TIMM23: variants seen among roughly 807,000 people sequenced by gnomAD.
TIMM23 encodes translocase of inner mitochondrial membrane 23, also known as mitochondrial import inner membrane translocase subunit Tim23.
Under a neutral mutation model 30.7 loss-of-function variants are expected in TIMM23, and 19 were observed. The observed-to-expected ratio is 0.62, with a 90% CI of 0.43 to 0.91. The LOEUF (loss-of-function observed/expected upper bound fraction) is 0.91. Ranked by LOEUF, TIMM23 falls within the 40% of genes least tolerant of loss-of-function variation. TIMM23 has a pLI of 0.00. For synonymous variants in TIMM23, 78 were observed against 98.5 expected (o/e 0.79, Z 1.23); for missense variants, 202 against 269.2 (o/e 0.75, Z 1.75).
chr10:45,973,302 C>T (rs1837555902), intron 1 of TIMM23, among the ~76,000 whole-genome samples: 1 of 152,126 alleles, frequency 6.6e-6, no homozygotes, highest in Non-Finnish European at 1.5e-5. Flanking sequence ...CGGAAATAGG[C>T]AACATCAAGG....
chr10:45,995,759 G>C (rs1349078216), intron 6 of TIMM23, among the ~76,000 whole-genome samples: 1 of 133,648 alleles, frequency 7.5e-6, no homozygotes, highest in Non-Finnish European at 1.6e-5. Context: ...GAGCACATGG[G>C]CATGCATGTT....
rs61849490 is a variant in TIMM23, at chr10:45,981,916, G to A, written c.166-607G>A. 2.7e-3 allele frequency among the ~76,000 whole-genome samples: 410 copies of A among 151,648 alleles called. 1 individual carries two copies. The highest frequency in any genetic ancestry group is 0.01 in the East Asian group (51 of 5,098). ...TTGCTCTTAAGAGTGTCATTTCTCA[G>A]TCTTAGTATTTTGGATGACCTTCCA... On this transcript the variant is annotated intron_variant, in intron 2 of 6. Coordinates refer to ENST00000580018, the MANE Select transcript of TIMM23 (RefSeq NM_006327.4).
chr10:45,996,031 G>A (rs1838317928), intron 6 of TIMM23, among the ~76,000 whole-genome samples: 1 of 149,686 alleles, frequency 6.7e-6, no homozygotes, highest in Non-Finnish European at 1.5e-5. Flanking sequence ...TCGGAGGCAA[G>A]AATATAGAAC....
chr10:45,985,077 T>TATA (rs1194705981), intron 4 of TIMM23, among the ~76,000 whole-genome samples: 3 of 152,058 alleles, frequency 2.0e-5, no homozygotes, highest in Non-Finnish European at 4.4e-5. Flanking sequence ...CAAAGCCTTA[T>TATA]ATATATTTAA....
At position 45,998,255 on chromosome 10, in the gene TIMM23, C is replaced by T. The variant is rs955632331; in HGVS notation, c.515-4948C>T. 92 of 319,256 alleles carry T rather than the reference C, an allele frequency of 2.9e-4. 1 individual carries two copies. The South Asian group carries it at 9.8e-3, about 34-fold the overall frequency. The allele number at this position is 319,256 out of a possible 1,614,324, so 19.8% of individuals were successfully genotyped here. A position where few individuals can be genotyped will look rare whatever the true frequency, so the allele number is the denominator to read the frequency against. ...CTTTAAAGTCATTGTCATTTGAATG[C>T]ATTAGTTCTGCCACTAATCAACCCT... On this transcript the variant is annotated intron_variant, in intron 6 of 6. Coordinates refer to ENST00000580018, the MANE Select transcript of TIMM23 (RefSeq NM_006327.4).
chr10:46,002,478 C>T (rs1471182129), intron 6 of TIMM23: 70 of 984,106 alleles, frequency 7.1e-5, no homozygotes, highest in Non-Finnish European at 8.1e-5. Flanking sequence ...CGTCACTAAT[C>T]TTCAAGGTTA....
intron 6 of TIMM23, among the ~76,000 whole-genome samples, chr10:46,002,792 GTC>G (rs1413907257): frequency 1.3e-5 from 2 of 148,998 alleles, no homozygotes; most frequent in Non-Finnish European, 3.0e-5. Flanking sequence ...TTTTAAAATG[GTC>G]TCTCCATTTC....
At chr10:45,983,366 A>G (rs1590116559) in intron 4 of TIMM23, among the ~76,000 whole-genome samples, 1 of 152,218 alleles carries the variant, frequency 6.6e-6, no homozygotes, top group African/African-American at 2.4e-5. Flanking sequence ...TCTTGACTTT[A>G]TGTTTCCGAA....
chr10:45,990,295 G>C (rs1189817180), intron 6 of TIMM23, among the ~76,000 whole-genome samples: 1 of 151,448 alleles, frequency 6.6e-6, no homozygotes. Context: ...GCTAATTCTT[G>C]TATTTTTAGT....
Position 45,999,702 on chromosome 10 carries a change from T to C in TIMM23, c.515-3501T>C, listed in dbSNP as rs782562578. 3.4e-3 allele frequency among the ~76,000 whole-genome samples: 512 copies of C among 152,286 alleles called. 2 individuals carry two copies. The highest frequency in any genetic ancestry group is 5.5e-3 in the Non-Finnish European group (376 of 68,014). On this transcript the variant is annotated intron_variant, in intron 6 of 6. Coordinates refer to ENST00000580018, the MANE Select transcript of TIMM23 (RefSeq NM_006327.4). The stretch of plus-strand genomic sequence containing the variant: ...GGGCACCATTGTCATTGATAACATC[T>C]TATCAGGAGACAAGGTTTTGAGAGC...
At chr10:45,985,510 T>C (rs2132259027) in intron 5 of TIMM23, 69 bp downstream of exon 5, 1 of 1,573,680 alleles carries the variant, frequency 6.4e-7, no homozygotes, top group Admixed American at 1.7e-5. Context: ...AACAATTTGA[T>C]CAACCCATAT....
intron 6 of TIMM23, among the ~76,000 whole-genome samples, chr10:46,002,748 G>A (rs958223660): frequency 5.1e-5 from 6 of 117,152 alleles, no homozygotes; most frequent in Admixed American, 7.9e-5. Flanking sequence ...CTTTAAAAAC[G>A]TTGTCTCCTT....
In TIMM23 at chr10:45,972,551, A is replaced by G. The variant is rs1198200394; in HGVS notation, c.-74A>G. ...TGGCAACGCGGGGTTACCCGCTGTT[A>G]TTGAGGAGTAACGGCCCAGCGGACC... On this transcript the variant is annotated 5_prime_UTR_variant, in exon 1 of 7. Transcript: ENST00000580018. 1.8e-4 allele frequency: 273 copies of G among 1,542,862 alleles called. No homozygotes were observed. The highest frequency in any genetic ancestry group is 2.2e-4 in the Non-Finnish European group (252 of 1,141,950).
intron 6 of TIMM23, chr10:46,002,594 A>C: frequency 4.6e-6 from 3 of 648,694 alleles, no homozygotes; most frequent in Non-Finnish European, 5.7e-6. Flanking sequence ...GTGCTAGTGG[A>C]GTTCTAAATC....
intron 1 of TIMM23, 145 bp downstream of exon 1, chr10:45,972,875 G>A (rs1260870685): frequency 6.9e-7 from 1 of 1,442,896 alleles, no homozygotes; most frequent in African/African-American, 1.4e-5. Context: ...TAGTGTATCT[G>A]CATGGCTGCT....
chr10:45,985,250 T>C (rs1837960053), intron 4 of TIMM23, 133 bp from the exon 5 acceptor site: 2 of 733,450 alleles, frequency 2.7e-6, no homozygotes, highest in Non-Finnish European at 4.6e-6. Flanking sequence ...ATCGGAGATA[T>C]TAAGATGTAT....
intron 1 of TIMM23, among the ~76,000 whole-genome samples, chr10:45,974,314 A>T (rs1284432365): frequency 1.3e-4 from 20 of 152,248 alleles, no homozygotes; most frequent in Admixed American, 1.3e-3. Context: ...TGATGGAAGC[A>T]GGATGCCATT....
intron 1 of TIMM23, 84 bp from the exon 2 acceptor site, chr10:45,975,370 A>T: frequency 6.6e-6 from 10 of 1,520,654 alleles, no homozygotes; most frequent in Non-Finnish European, 9.1e-6. Flanking sequence ...TTGCAAACAC[A>T]TGTAACAGTC....
chr10:45,973,960 A>G (rs1837583313), intron 1 of TIMM23, among the ~76,000 whole-genome samples: 1 of 152,250 alleles, frequency 6.6e-6, no homozygotes, highest in African/African-American at 2.4e-5. Context: ...CCTGTTTAGA[A>G]CACAGTTTCA....
Sources: gnomAD v4.1 joint callset for allele counts (sites outside exome capture counted in the v4.1 genomes callset) on GRCh38, gnomAD v4.1.1 for gene constraint, MANE v1.5 for transcripts, NCBI Gene and HGNC (gene_info 2026-07-23, HGNC 2026-07-21) for gene names.